The following HYCC2 variants were observed in gnomAD, a reference collection of about 807,000 sequenced individuals.
HYCC2 encodes the protein hyccin PI4KA lipid kinase complex subunit 2.
At chr2:200,988,439 G>A in the HYCC2 span, 2 of 1,581,744 alleles carry the variant, frequency 1.3e-6, no homozygotes, top group Non-Finnish European at 1.7e-6. Flanking sequence ...GATAATATAA[G>A]TCTATACAAG....
chr2:201,066,522 A>G, the HYCC2 span, among the ~76,000 whole-genome samples: 3 of 152,246 alleles, frequency 2.0e-5, no homozygotes, highest in Non-Finnish European at 4.4e-5. Flanking sequence ...AAGCCCCAAT[A>G]CAAAAGAATA....
At chr2:201,063,953 T>C in the HYCC2 span, 2 of 1,597,478 alleles carry the variant, frequency 1.3e-6, no homozygotes, top group East Asian at 4.5e-5. Flanking sequence ...CTCTGGCCCC[T>C]ATGGCGGTGG....
the HYCC2 span, chr2:200,974,577 A>G: frequency 1.3e-5 from 2 of 151,908 alleles, no homozygotes; most frequent in African/African-American, 2.4e-5. Context: ...AAACAAACAA[A>G]CAAACCCCCC....
the HYCC2 span, among the ~76,000 whole-genome samples, chr2:201,015,034 T>C: frequency 2.6e-5 from 4 of 152,200 alleles, no homozygotes; most frequent in African/African-American, 9.7e-5. Context: ...CTGTGGTTTC[T>C]CAATTGCTAC....
the HYCC2 span, chr2:200,987,487 G>A: frequency 3.1e-6 from 4 of 1,289,788 alleles, no homozygotes; most frequent in Non-Finnish European, 3.0e-6. Context: ...TTGGATCGGG[G>A]AGCCAGGAAT....
At chr2:200,981,301 C>T in the HYCC2 span, 3 of 1,613,698 alleles carry the variant, frequency 1.9e-6, no homozygotes, top group African/African-American at 1.3e-5. This position sits in a 1 kb window ranked among gnomAD's most constrained non-coding sequence, Gnocchi z 4.5. Context: ...CATATTGAAA[C>T]TTGGGGATCG....
At chr2:201,002,281 CAA>C in the HYCC2 span, among the ~76,000 whole-genome samples, 16 of 82,778 alleles carry the variant, frequency 1.9e-4, no homozygotes, top group Admixed American at 5.4e-4. Flanking sequence ...ACCAATCAGC[CAA>C]AAAAAAAAAA....
At chr2:201,028,740 C>G in the HYCC2 span, among the ~76,000 whole-genome samples, 39 of 152,284 alleles carry the variant, frequency 2.6e-4, no homozygotes, top group Non-Finnish European at 5.0e-4. Flanking sequence ...ATAAATGATG[C>G]TGGGAAATCT....
At chr2:201,036,875 A>G in the HYCC2 span, among the ~76,000 whole-genome samples, 1 of 152,194 alleles carries the variant, frequency 6.6e-6, no homozygotes, top group Admixed American at 6.5e-5. Flanking sequence ...TATTCAACAT[A>G]GTGTTGGAAG....
chr2:201,021,291 G>A, the HYCC2 span, among the ~76,000 whole-genome samples: 1 of 152,058 alleles, frequency 6.6e-6, no homozygotes, highest in Non-Finnish European at 1.5e-5. Flanking sequence ...AACCTGACAG[G>A]AGACAGGAGA....
At chr2:200,974,692 CAA>C in the HYCC2 span, 1 of 151,858 alleles carries the variant, frequency 6.6e-6, no homozygotes, top group African/African-American at 2.4e-5. Context: ...CTATAAAAAA[CAA>C]TACATAAAAC....
At chr2:201,041,947 C>G in the HYCC2 span, among the ~76,000 whole-genome samples, 1 of 152,166 alleles carries the variant, frequency 6.6e-6, no homozygotes, top group Non-Finnish European at 1.5e-5. Flanking sequence ...CTCTCTCCCC[C>G]TCCCCCTCCC....
At chr2:201,026,223 T>C in the HYCC2 span, among the ~76,000 whole-genome samples, 1 of 152,146 alleles carries the variant, frequency 6.6e-6, no homozygotes, top group South Asian at 2.1e-4. Flanking sequence ...AAGAAGGCCA[T>C]TACATGATGG....
the HYCC2 span, chr2:201,063,357 T>A: frequency 1.3e-6 from 2 of 1,573,256 alleles, no homozygotes; most frequent in Non-Finnish European, 8.6e-7. Context: ...AAGAGAGCTG[T>A]CTCGAGAGAA....
At chr2:201,014,930 AG>A in the HYCC2 span, among the ~76,000 whole-genome samples, 3 of 152,232 alleles carry the variant, frequency 2.0e-5, no homozygotes, top group African/African-American at 7.2e-5. Flanking sequence ...TTAATTCCTT[AG>A]AAGAAAACAG....
the HYCC2 span, among the ~76,000 whole-genome samples, chr2:201,003,998 G>A: frequency 6.6e-6 from 1 of 151,742 alleles, no homozygotes; most frequent in African/African-American, 2.4e-5. Context: ...TATTTTTAGT[G>A]AGACAGGGTT....
At chr2:201,002,273 C>A in the HYCC2 span, among the ~76,000 whole-genome samples, 337 of 119,826 alleles carry the variant, frequency 2.8e-3, 3 homozygotes, top group African/African-American at 0.01. Context: ...CCTCTCCCAC[C>A]AATCAGCCAA....
the HYCC2 span, among the ~76,000 whole-genome samples, chr2:201,024,949 A>G: frequency 6.6e-6 from 1 of 151,886 alleles, no homozygotes; most frequent in African/African-American, 2.4e-5. Context: ...TATCTATAAA[A>G]AATAAAAAAA....
chr2:201,029,168 A>G, the HYCC2 span, among the ~76,000 whole-genome samples: 1 of 152,232 alleles, frequency 6.6e-6, no homozygotes, highest in East Asian at 1.9e-4. Context: ...ACACTTCTCA[A>G]AAGAAAACAT....
Sources: gnomAD v4.1 joint callset for allele counts (sites outside exome capture counted in the v4.1 genomes callset) on GRCh38, gnomAD v4.1.1 for gene constraint, Gnocchi (gnomAD v3.1) non-coding constraint, MANE v1.5 for transcripts, NCBI Gene and HGNC (gene_info 2026-07-23, HGNC 2026-07-21) for gene names.